Variants in FBXW11 observed in about 807,000 individuals in gnomAD.
FBXW11 encodes the protein F-box/WD repeat-containing protein 11.
In FBXW11, 19 loss-of-function variants were observed where a neutral mutation model predicts 77.6. The ratio of observed to expected loss-of-function variants is 0.24; its 90% CI spans 0.17 to 0.36. FBXW11 has a LOEUF of 0.36. Ranked by LOEUF, FBXW11 falls within the 10% of genes least tolerant of loss-of-function variation. FBXW11 has a pLI of 1.00. For missense variants in FBXW11, 334 were observed against 704.2 expected (o/e 0.47, Z 5.95); for synonymous variants, 235 against 249.4 (o/e 0.94, Z 0.54).
chr5:171,926,304 T>C (rs1175937312), intron 2 of FBXW11, among the ~76,000 whole-genome samples: 2 of 152,084 alleles, frequency 1.3e-5, no homozygotes, highest in African/African-American at 4.8e-5. Flanking sequence ...AAAACTGAGG[T>C]GAAAACAGGG....
At chr5:171,945,214 G>C (rs1762946212) in intron 2 of FBXW11, among the ~76,000 whole-genome samples, 1 of 152,194 alleles carries the variant, frequency 6.6e-6, no homozygotes, top group South Asian at 2.1e-4. Flanking sequence ...GTCAGAAAAG[G>C]TCTCTCTGAA....
chr5:171,958,334 T>G (rs1763724056), intron 1 of FBXW11, among the ~76,000 whole-genome samples: 1 of 152,120 alleles, frequency 6.6e-6, no homozygotes, highest in South Asian at 2.1e-4. Flanking sequence ...TTTTATCATG[T>G]GAGTAAAGTT....
chr5:171,870,993 T>C (rs556859730), intron 10 of FBXW11, 135 bp from the exon 11 acceptor site: 4 of 614,548 alleles, frequency 6.5e-6, no homozygotes, highest in South Asian at 6.2e-5. Flanking sequence ...TCACTTCCAG[T>C]ACACACCACA....
intron 6 of FBXW11, among the ~76,000 whole-genome samples, chr5:171,895,074 A>T (rs896570367): frequency 6.6e-6 from 1 of 152,200 alleles, no homozygotes; most frequent in East Asian, 1.9e-4. Context: ...TCAGCCTTCA[A>T]ATGGAATCCA....
At chr5:171,968,315 G>A (rs192241304) in intron 1 of FBXW11, among the ~76,000 whole-genome samples, 220 of 152,008 alleles carry the variant, frequency 1.4e-3, no homozygotes, top group African/African-American at 5.1e-3. Context: ...AAAATTAGCC[G>A]GGCACAGTGG....
rs1268779651 is a variant in FBXW11 at position 171,885,399 on chromosome 5, A to C, written c.852+6068T>G. 2.0e-5 allele frequency among the ~76,000 whole-genome samples: 3 copies of C among 152,286 alleles called. No individual in the cohort carries two copies. The East Asian group carries it at 5.8e-4, about 29-fold the overall frequency. Reference sequence around the variant, plus strand: ...CTGAGCCTCCAGCAATTTTTCAATTACGGTTCAGGTTACCCTACCCAGGCA... The same window carrying C: ...CTGAGCCTCCAGCAATTTTTCAATTCCGGTTCAGGTTACCCTACCCAGGCA... On this transcript the variant is annotated intron_variant, in intron 7 of 13. Transcript: ENST00000517395.
At position 172,006,597 on chromosome 5, in the gene FBXW11, T is replaced by C; in HGVS notation, c.-95A>G. On this transcript the variant is annotated 5_prime_UTR_variant, in exon 1 of 14. The change creates a new upstream start codon in the 5' untranslated region. Coordinates refer to ENST00000517395, the MANE Select transcript of FBXW11 (RefSeq NM_001378974.1). The stretch of plus-strand genomic sequence containing the variant: ...CGGAGGCGGCAGAGGCGGAGGCGGC[T>C]ATCGCACCCACTCTAGCTGCCAGCC... 1 of 1,379,452 alleles carries C rather than the reference T, an allele frequency of 7.2e-7. No homozygotes were observed. Among genetic ancestry groups the C allele is most frequent in the South Asian group, 1.7e-5 (1 of 60,548 alleles). 85.5% of individuals were successfully genotyped at this position (1,379,452 alleles called of 1,614,324 possible). A position where few individuals can be genotyped will look rare whatever the true frequency, so the allele number is the denominator to read the frequency against.
At chr5:171,948,858 G>C (rs576527649) in intron 2 of FBXW11, among the ~76,000 whole-genome samples, 1 of 152,166 alleles carries the variant, frequency 6.6e-6, no homozygotes, top group Non-Finnish European at 1.5e-5. Flanking sequence ...AATTACAACT[G>C]CTAGTAAGGC....
intron 7 of FBXW11, among the ~76,000 whole-genome samples, chr5:171,889,885 C>T (rs561839616): frequency 7.2e-4 from 110 of 151,890 alleles, no homozygotes; most frequent in Admixed American, 1.4e-3. Flanking sequence ...GGTAAAACTC[C>T]GTCTCAAAAA....
At chr5:171,930,481 T>C (rs1581217086) in intron 2 of FBXW11, among the ~76,000 whole-genome samples, 1 of 152,196 alleles carries the variant, frequency 6.6e-6, no homozygotes, top group African/African-American at 2.4e-5. Context: ...GAAAGAAAAC[T>C]GTTTTGGTTC....
intron 1 of FBXW11, among the ~76,000 whole-genome samples, chr5:171,964,160 A>G (rs1278382600): frequency 6.6e-6 from 1 of 152,242 alleles, no homozygotes; most frequent in Non-Finnish European, 1.5e-5. Flanking sequence ...TTTCTTTCAG[A>G]TGGGCTACAA....
chr5:171,898,916 T>C lies in FBXW11; in HGVS notation c.714+88A>G. 6.5e-6 allele frequency: 5 copies of C among 768,968 alleles called. 1 individual carries two copies. In the South Asian group the frequency reaches 1.3e-4, roughly 20 times the overall value. 47.6% of individuals were successfully genotyped at this position (768,968 alleles called of 1,614,324 possible). On this transcript the variant is annotated intron_variant, in intron 6 of 13. Coordinates refer to ENST00000517395, the MANE Select transcript of FBXW11 (RefSeq NM_001378974.1). ...TTAAAAAAAATTATTAGTTCTACGA[T>C]TTTAGACCAAAAGAACACTCTAAGG...
At chr5:171,911,910 T>C (rs1338490439) in intron 3 of FBXW11, among the ~76,000 whole-genome samples, 1 of 152,220 alleles carries the variant, frequency 6.6e-6, no homozygotes, top group Admixed American at 6.5e-5. Flanking sequence ...TGTCAAACAT[T>C]TGTCAAGCTA....
chr5:171,932,159 G>A (rs1254982575), intron 2 of FBXW11, among the ~76,000 whole-genome samples: 1 of 152,000 alleles, frequency 6.6e-6, no homozygotes, highest in Non-Finnish European at 1.5e-5. Flanking sequence ...ATAGGTGTGA[G>A]CCACCATGCC....
chr5:171,975,790 C>T (rs1223458526), intron 1 of FBXW11, among the ~76,000 whole-genome samples: 2 of 152,072 alleles, frequency 1.3e-5, no homozygotes, highest in African/African-American at 4.8e-5. Context: ...ACAAGAGAAA[C>T]TCTTGGTGAA....
At chr5:171,941,332 G>C (rs1762742609) in intron 2 of FBXW11, among the ~76,000 whole-genome samples, 2 of 152,036 alleles carry the variant, frequency 1.3e-5, no homozygotes, top group Admixed American at 1.3e-4. Context: ...TGAAACAGCT[G>C]GTCTGTAATC....
intron 1 of FBXW11, among the ~76,000 whole-genome samples, chr5:171,971,740 T>G (rs1764544902): frequency 6.6e-6 from 1 of 152,172 alleles, no homozygotes; most frequent in South Asian, 2.1e-4. Flanking sequence ...CCCAACACTT[T>G]GGCAGGCCAA....
intron 9 of FBXW11, among the ~76,000 whole-genome samples, chr5:171,874,432 C>T (rs1757942750): frequency 6.6e-6 from 1 of 152,150 alleles, no homozygotes; most frequent in African/African-American, 2.4e-5. Flanking sequence ...TAATAAAGCT[C>T]AAACCCTCTC....
intron 4 of FBXW11, among the ~76,000 whole-genome samples, chr5:171,906,272 G>A (rs1760512766): frequency 6.6e-6 from 1 of 151,156 alleles, no homozygotes; most frequent in Admixed American, 6.6e-5. Context: ...TGTAAAATCT[G>A]AAGTTCTAAA....
Sources: gnomAD v4.1 joint callset for allele counts (sites outside exome capture counted in the v4.1 genomes callset) on GRCh38, gnomAD v4.1.1 for gene constraint, MANE v1.5 for transcripts, NCBI Gene and HGNC (gene_info 2026-07-23, HGNC 2026-07-21) for gene names.